The following RABGAP1L variants were observed in gnomAD, a reference collection of about 807,000 sequenced individuals.
RABGAP1L encodes rab GTPase-activating protein 1-like.
In RABGAP1L, 63 loss-of-function variants were observed where a neutral mutation model predicts 137.7. That is an observed-to-expected ratio of 0.46 (90% CI 0.37 to 0.56). The LOEUF is 0.56. Ranked by LOEUF, RABGAP1L falls within the 20% of genes least tolerant of loss-of-function variation. RABGAP1L has a pLI of 0.00. For missense variants in RABGAP1L, 1,095 were observed against 1,244.0 expected (o/e 0.88, Z 1.80); for synonymous variants, 431 against 433.7 (o/e 0.99, Z 0.08).
chr1:174,321,640 G>A (rs1294294601), intron 11 of RABGAP1L, among the ~76,000 whole-genome samples: 1 of 152,112 alleles, frequency 6.6e-6, no homozygotes, highest in African/African-American at 2.4e-5. Flanking sequence ...GCAAATATAT[G>A]CTCCCATTTC....
intron 1 of RABGAP1L, among the ~76,000 whole-genome samples, chr1:174,193,196 T>G (rs1377755500): frequency 1.3e-5 from 2 of 152,194 alleles, no homozygotes; most frequent in African/African-American, 4.8e-5. Flanking sequence ...TTTAAAAATT[T>G]TAACTGCCAC....
intron 17 of RABGAP1L, among the ~76,000 whole-genome samples, chr1:174,735,693 T>C (rs1471384517): frequency 6.6e-6 from 1 of 150,674 alleles, no homozygotes; most frequent in Non-Finnish European, 1.5e-5. Flanking sequence ...GATTGGCTTG[T>C]GATTCTACAG....
intron 1 of RABGAP1L, among the ~76,000 whole-genome samples, chr1:174,163,178 T>C (rs1180749079): frequency 6.6e-6 from 1 of 152,160 alleles, no homozygotes; most frequent in Non-Finnish European, 1.5e-5. Context: ...GCTGATATTA[T>C]AGAGAAAGAC....
rs375926247 is a variant in RABGAP1L, at chr1:174,958,308, T to C, written c.2433+759T>C. On this transcript the variant is annotated intron_variant, in intron 20 of 25. Coordinates refer to ENST00000681986, the MANE Select transcript of RABGAP1L (RefSeq NM_001366446.1). ...TTCATTTTAATACGTTCGTTAATTG[T>C]GAATCTCTTCAATGGTAATTAGCAA... The C allele has an allele frequency of 1.5e-5, 13 of 851,398 alleles. No individual in the cohort carries two copies. The African/African-American group carries it at 1.6e-4, about 11-fold the overall frequency. The allele number at this position is 851,398 out of a possible 1,614,324, so 52.7% of individuals were successfully genotyped here.
chr1:174,273,682 C>T (rs1467488230), intron 8 of RABGAP1L, among the ~76,000 whole-genome samples: 1 of 151,846 alleles, frequency 6.6e-6, no homozygotes, highest in African/African-American at 2.4e-5. Context: ...CTTTTAAGAT[C>T]CTAGGTCCTA....
chr1:174,576,499 T>C (rs991241674), intron 13 of RABGAP1L, among the ~76,000 whole-genome samples: 2 of 152,234 alleles, frequency 1.3e-5, no homozygotes, highest in African/African-American at 4.8e-5. Flanking sequence ...AATCACACGC[T>C]GTTGGCTCAT....
chr1:174,671,470 T>G (rs1055675151), intron 14 of RABGAP1L, among the ~76,000 whole-genome samples: 2 of 152,232 alleles, frequency 1.3e-5, no homozygotes, highest in Admixed American at 6.5e-5. Context: ...CATTACTGTT[T>G]TGAGGTACAT....
At chr1:174,324,612 G>C (rs1189484253) in intron 11 of RABGAP1L, among the ~76,000 whole-genome samples, 2 of 152,178 alleles carry the variant, frequency 1.3e-5, no homozygotes, top group African/African-American at 4.8e-5. Flanking sequence ...AATGAGAATG[G>C]CTGAAATTAT....
intron 11 of RABGAP1L, among the ~76,000 whole-genome samples, chr1:174,311,662 A>G (rs1459028634): frequency 1.3e-5 from 2 of 152,116 alleles, no homozygotes; most frequent in Non-Finnish European, 2.9e-5. Flanking sequence ...GCTGGAGTGC[A>G]GTGGTGCGAT....
In RABGAP1L at chr1:174,372,039, A is replaced by T. The variant is rs190736219; in HGVS notation, c.1559+967A>T. 1.7e-4 allele frequency among the ~76,000 whole-genome samples: 26 copies of T among 152,308 alleles called. No homozygotes were observed. In the East Asian group the frequency reaches 4.0e-3, roughly 24 times the overall value. On this transcript the variant is annotated intron_variant, in intron 12 of 25. Coordinates refer to ENST00000681986, the MANE Select transcript of RABGAP1L (RefSeq NM_001366446.1). ...GGCCTGTTATTGTTTTTAAGGAGATAAACCCTGAATGGCCAGCTGCTTCTC... is the reference window on the plus strand; with the variant it reads ...GGCCTGTTATTGTTTTTAAGGAGATTAACCCTGAATGGCCAGCTGCTTCTC...
intron 17 of RABGAP1L, among the ~76,000 whole-genome samples, chr1:174,737,383 A>C (rs1382744904): frequency 6.6e-6 from 1 of 152,166 alleles, no homozygotes; most frequent in Non-Finnish European, 1.5e-5. Flanking sequence ...GGGAATAACA[A>C]GGGTGACCTT....
At chr1:174,959,643 C>G (rs532839425) in intron 20 of RABGAP1L, among the ~76,000 whole-genome samples, 1 of 152,104 alleles carries the variant, frequency 6.6e-6, no homozygotes, top group Non-Finnish European at 1.5e-5. Flanking sequence ...TTACACATAT[C>G]GGATACCCTC....
intron 10 of RABGAP1L, among the ~76,000 whole-genome samples, chr1:174,283,882 G>A (rs1194318589): frequency 6.6e-6 from 1 of 152,056 alleles, no homozygotes; most frequent in African/African-American, 2.4e-5. Context: ...CATTTATTTA[G>A]CTCTTCTTTA....
intron 13 of RABGAP1L, among the ~76,000 whole-genome samples, chr1:174,439,044 G>A (rs971198932): frequency 6.7e-6 from 1 of 150,072 alleles, no homozygotes; most frequent in African/African-American, 2.4e-5. Context: ...TCCTTTTCTT[G>A]TATGGCTTTT....
intron 19 of RABGAP1L, among the ~76,000 whole-genome samples, chr1:174,945,269 T>C (rs1314319517): frequency 6.6e-6 from 1 of 152,238 alleles, no homozygotes; most frequent in African/African-American, 2.4e-5. Context: ...TCTCAATTTT[T>C]AGTGCTTGGT....
rs76427837 is a variant in RABGAP1L, at chr1:174,755,540, C to T, written c.2211+3186C>T. Among the ~76,000 whole-genome samples the T allele has an allele frequency of 6.8e-3, 1,041 of 152,212 alleles. 13 individuals are homozygous for T. The highest frequency in any genetic ancestry group is 0.024 in the African/African-American group (980 of 41,512). ...TCTGGCCTTCCCAAAGTATTATATG[C>T]TTATTTCGTGTCCTACATGTGTATG... is the stretch of plus-strand genomic sequence containing the variant. On this transcript the variant is annotated intron_variant, in intron 18 of 25. Transcript: ENST00000681986.
chr1:174,938,316 T>C (rs1488142207), intron 19 of RABGAP1L: 3 of 152,226 alleles, frequency 2.0e-5, no homozygotes, highest in African/African-American at 4.8e-5. Context: ...GCTGACATCT[T>C]CACATAGTTT....
intron 18 of RABGAP1L, chr1:174,757,107 G>C (rs1001547201): frequency 3.0e-4 from 147 of 487,248 alleles, no homozygotes; most frequent in Non-Finnish European, 5.0e-5. Flanking sequence ...CGGTGCTTTT[G>C]GGAGGTTGTA....
At chr1:174,747,246 A>G (rs1337765195) in intron 17 of RABGAP1L, among the ~76,000 whole-genome samples, 1 of 151,990 alleles carries the variant, frequency 6.6e-6, no homozygotes. Flanking sequence ...CTACGAAAAA[A>G]TTAAAAATTA....
Sources: gnomAD v4.1 joint callset for allele counts (sites outside exome capture counted in the v4.1 genomes callset) on GRCh38, gnomAD v4.1.1 for gene constraint, MANE v1.5 for transcripts, NCBI Gene and HGNC (gene_info 2026-07-23, HGNC 2026-07-21) for gene names.